Variants in PTPRR observed in about 807,000 individuals in gnomAD.
PTPRR encodes the protein receptor-type tyrosine-protein phosphatase R.
A neutral mutation model predicts 77.2 loss-of-function variants in PTPRR; 38 were observed. That is an observed-to-expected ratio of 0.49 (90% confidence interval 0.38 to 0.65). The LOEUF is 0.65. PTPRR is among the 30% of genes least tolerant of loss of function. PTPRR has a pLI of 0.00. For missense variants in PTPRR, 744 were observed against 799.2 expected, an observed-to-expected ratio of 0.93 and a Z score of 0.83; for synonymous variants, 299 against 283.1, an observed-to-expected ratio of 1.06 and a Z score of -0.57.
rs578055343 is a variant in PTPRR, at chr12:70,892,890, T to G, written c.146A>C (p.Asp49Ala). The G allele has an allele frequency of 6.2e-7, 1 of 1,613,464 alleles. No homozygotes were observed. The highest frequency in any genetic ancestry group is 8.5e-7 in the Non-Finnish European group (1 of 1,179,640). The change falls in exon 2 of 14, where the codon GAC becomes GCC. Residue 49 changes from aspartate (D) to alanine (A), a missense_variant. Physicochemically the swap from Asp to Ala is moderately radical, Grantham distance 126. Around this residue, in one of 3 missense-constraint regions of PTPRR, gnomAD observed 570 missense variants for 573.2 expected, o/e 0.99. Coordinates refer to ENST00000283228, the MANE Select transcript of PTPRR (RefSeq NM_002849.4). ...GGCTATATCCAGGCTCTTCTCAATG[T>G]CTTGTGAATGCTTATAAATGAATAC... ...KPVFIYKHSQ[D>A]IEKSLDIAPQ...
chr12:70,726,062 A>G (rs1434210926), intron 6 of PTPRR, among the ~76,000 whole-genome samples: 2 of 151,944 alleles, frequency 1.3e-5, no homozygotes, highest in African/African-American at 4.8e-5. Flanking sequence ...GACATTACCC[A>G]GAAGATCCAA....
intron 1 of PTPRR, among the ~76,000 whole-genome samples, chr12:70,900,546 G>C (rs1280346542): frequency 6.6e-6 from 1 of 151,522 alleles, no homozygotes; most frequent in Non-Finnish European, 1.5e-5. Flanking sequence ...AAACTAAAAA[G>C]CTTCTGCACA....
chr12:70,677,870 G>A (rs1410231216), intron 10 of PTPRR, among the ~76,000 whole-genome samples: 2 of 152,080 alleles, frequency 1.3e-5, no homozygotes, highest in Non-Finnish European at 2.9e-5. Context: ...TTTCTTTTTT[G>A]GTTGAGTCCT....
At chr12:70,647,898 A>G (rs1030402633) in intron 13 of PTPRR, among the ~76,000 whole-genome samples, 2 of 152,230 alleles carry the variant, frequency 1.3e-5, no homozygotes, top group Middle Eastern at 3.2e-3. Context: ...TCAGATATTA[A>G]TAAGTAATCT....
At chr12:70,837,789 C>T (rs1037355161) in intron 2 of PTPRR, among the ~76,000 whole-genome samples, 3 of 152,006 alleles carry the variant, frequency 2.0e-5, no homozygotes, top group Admixed American at 6.6e-5. Flanking sequence ...CAGATCCCTT[C>T]CTTTCCTTGA....
At chr12:70,908,011 C>A (rs749859691) in intron 1 of PTPRR, among the ~76,000 whole-genome samples, 11 of 152,090 alleles carry the variant, frequency 7.2e-5, no homozygotes, top group Non-Finnish European at 1.6e-4. Context: ...TTCTATACAT[C>A]GTTCATTGTT....
At chr12:70,668,210 A>AGAGAAGGAAGAGGAGGAGAGGAG (rs1219550443) in intron 10 of PTPRR, among the ~76,000 whole-genome samples, 2 of 151,972 alleles carry the variant, frequency 1.3e-5, no homozygotes, top group African/African-American at 4.8e-5. Context: ...AGGAGGAGGA[A>AGAGAAGGAAGAGGAGGAGAGGAG]GAGAAGGAAG....
chr12:70,700,424 C>T (rs1047248576), intron 7 of PTPRR, among the ~76,000 whole-genome samples: 76 of 152,234 alleles, frequency 5.0e-4, no homozygotes, highest in African/African-American at 1.6e-3. Flanking sequence ...ATTCATCATT[C>T]TTTTTAGCCC....
chr12:70,887,205 T>C (rs1256633017), intron 2 of PTPRR, among the ~76,000 whole-genome samples: 1 of 143,656 alleles, frequency 7.0e-6, no homozygotes, highest in Admixed American at 6.8e-5. Flanking sequence ...ATCCCAGCAC[T>C]TTGGGAGGCT....
chr12:70,768,965 C>T (rs1890899729), intron 2 of PTPRR, among the ~76,000 whole-genome samples: 1 of 151,024 alleles, frequency 6.6e-6, no homozygotes. Flanking sequence ...AACAACCCTT[C>T]ATGCTAAAAA....
intron 2 of PTPRR, among the ~76,000 whole-genome samples, chr12:70,770,872 G>A (rs1296293320): frequency 2.6e-5 from 4 of 151,678 alleles, no homozygotes; most frequent in Non-Finnish European, 4.4e-5. Context: ...GATGAAATTG[G>A]AAATCATCAT....
rs186568459 is a variant in PTPRR, at chr12:70,701,310, C to T, written c.1021G>A (p.Val341Ile). 2.0e-4 allele frequency: 318 copies of T among 1,613,712 alleles called. No homozygotes were observed. In the Admixed American group the frequency reaches 2.3e-3, roughly 12 times the overall value. ...CTACTCATGTCCAATGTAAGAGATA[C>T]GTTGGACCCTCTTCTACATTGGAGA... Reference protein sequence around the residue: ...IGLQERRGSNVSLTLDMSSLG... With the variant: ...IGLQERRGSNISLTLDMSSLG... The change falls in exon 7 of 14, where the codon GTA (valine) becomes ATA (isoleucine). Residue 341 changes from valine to isoleucine, a missense_variant. Transcript: ENST00000283228.
chr12:70,672,330 A>G (rs979327327), intron 10 of PTPRR: 12 of 1,545,338 alleles, frequency 7.8e-6, no homozygotes, highest in East Asian at 2.3e-5. Flanking sequence ...AAGTTTGCCA[A>G]CTCCATTGTG....
chr12:70,663,110 A>G (rs896837446), intron 10 of PTPRR, among the ~76,000 whole-genome samples: 9 of 152,226 alleles, frequency 5.9e-5, no homozygotes, highest in African/African-American at 2.2e-4. Flanking sequence ...AGTTTCCTTT[A>G]TATGTAAGGC....
chr12:70,852,123 G>T (rs1347264929), intron 2 of PTPRR, among the ~76,000 whole-genome samples: 1 of 152,094 alleles, frequency 6.6e-6, no homozygotes, highest in Non-Finnish European at 1.5e-5. Flanking sequence ...TGAAGGGTGT[G>T]CAGGAAATGA....
chr12:70,843,656 G>C (rs916377365), intron 2 of PTPRR, among the ~76,000 whole-genome samples: 1 of 152,000 alleles, frequency 6.6e-6, no homozygotes, highest in Non-Finnish European at 1.5e-5. Flanking sequence ...TTCCAAACCT[G>C]TTTATGCTAA....
intron 2 of PTPRR, among the ~76,000 whole-genome samples, chr12:70,811,997 A>G (rs1040438584): frequency 6.6e-6 from 1 of 152,212 alleles, no homozygotes; most frequent in African/African-American, 2.4e-5. Flanking sequence ...TTAGCTTTTC[A>G]GCTCACTTTA....
rs151033212 is a variant in PTPRR, at chr12:70,818,587, A to G, written c.358-53809T>C. Among the ~76,000 whole-genome samples the G allele has an allele frequency of 8.2e-3, 1,247 of 152,320 alleles. 8 individuals carry two copies. Among genetic ancestry groups the G allele is most frequent in the South Asian group, 0.017 (83 of 4,828 alleles). On this transcript the variant is annotated intron_variant, in intron 2 of 13. Transcript: ENST00000283228. Reference sequence around the variant, plus strand: ...TGTAGAATGAGGCTAATATGATTGAAAATTATGAAGTTTCTTTATGTCTTA... The same window carrying G: ...TGTAGAATGAGGCTAATATGATTGAGAATTATGAAGTTTCTTTATGTCTTA...
At chr12:70,862,989 A>G (rs1892780005) in intron 2 of PTPRR, among the ~76,000 whole-genome samples, 1 of 152,152 alleles carries the variant, frequency 6.6e-6, no homozygotes, top group African/African-American at 2.4e-5. Context: ...AGGAAGAAGG[A>G]AACTGGATGG....
Sources: allele counts gnomAD v4.1 joint callset (sites outside exome capture counted in the v4.1 genomes callset), GRCh38; gene constraint gnomAD v4.1.1; regional missense constraint gnomAD v4.1.1; transcripts MANE v1.5; gene names NCBI Gene and HGNC (gene_info 2026-07-23, HGNC 2026-07-21).